The following ADAMTS14 variants were observed in gnomAD, a reference collection of about 807,000 sequenced individuals.
ADAMTS14 encodes the protein ADAM metallopeptidase with thrombospondin type 1 motif 14.
ADAMTS14 carries 100 observed loss-of-function variants against 128.6 expected under a neutral mutation model. The observed-to-expected ratio is 0.78, with a 90% CI of 0.66 to 0.92. ADAMTS14 has a LOEUF of 0.92. Among genes scored for constraint, ADAMTS14 ranks in the 40% least tolerant of loss-of-function variants. ADAMTS14 has a pLI of 0.00. For synonymous variants in ADAMTS14, 665 were observed against 653.8 expected, an observed-to-expected ratio of 1.02 and a Z score of -0.26; for missense variants, 1,562 against 1,658.6, an observed-to-expected ratio of 0.94 and a Z score of 1.01.
chr10:70,718,692 T>TGG (rs1841146561), intron 4 of ADAMTS14, among the ~76,000 whole-genome samples: 1 of 151,512 alleles, frequency 6.6e-6, no homozygotes, highest in African/African-American at 2.4e-5. Flanking sequence ...AGCCTTTTTT[T>TGG]TTTTTTAAAG....
intron 2 of ADAMTS14, among the ~76,000 whole-genome samples, chr10:70,700,323 C>T (rs746941482): frequency 2.1e-4 from 32 of 152,164 alleles, no homozygotes; most frequent in Non-Finnish European, 3.8e-4. Flanking sequence ...TCCCCTCTAC[C>T]TGGTATGCTC....
rs1224768897 is a variant in ADAMTS14, at chr10:70,760,553, C to G, written c.3372C>G (p.Pro1124=). The G allele has an allele frequency of 1.2e-6, 2 of 1,613,542 alleles. No homozygotes were observed. The highest frequency in any genetic ancestry group is 1.1e-5 in the South Asian group (1 of 90,958). The change falls in exon 22 of 22, where the codon CCC becomes CCG. Residue 1124 remains proline, a synonymous_variant. Coordinates refer to ENST00000373207, the MANE Select transcript of ADAMTS14 (RefSeq NM_080722.4). Reference sequence around the variant, plus strand: ...CTCCTGGAAGCCCCTTACCAGGACCCCAGGACCCTGCAGATGCTGCAGAGC... The same window carrying G: ...CTCCTGGAAGCCCCTTACCAGGACCGCAGGACCCTGCAGATGCTGCAGAGC... ...FSTPGSPLPG[P]QDPADAAEPP... is the part of the protein sequence containing the mutation.
At chr10:70,742,898 C>T (rs960499571) in intron 12 of ADAMTS14, among the ~76,000 whole-genome samples, 1 of 152,210 alleles carries the variant, frequency 6.6e-6, no homozygotes, top group African/African-American at 2.4e-5. Context: ...ATTTTGCAAA[C>T]CCAGATACAG....
rs1364299568 is a variant in ADAMTS14 at position 70,729,357 on chromosome 10, A to G, written c.934A>G (p.Ile312Val). 10 of 1,613,744 alleles carry G rather than the reference A, an allele frequency of 6.2e-6. No individual in the cohort carries two copies. Among genetic ancestry groups the G allele is most frequent in the Non-Finnish European group, 8.5e-6 (10 of 1,179,948 alleles). Reference protein sequence around the residue: ...VHINIALVRLIMVGYRQSLSL... With the variant: ...VHINIALVRLVMVGYRQSLSL... ...TATAAATATTGCCCTCGTCCGCTTG[A>G]TCATGGTTGGCTACCGACAGGTAAA... is the stretch of plus-strand genomic sequence containing the variant. Residue 312 changes from isoleucine (I) to valine (V), a missense_variant, in exon 5 of 22, where the codon ATC becomes GTC. Physicochemically the swap from Ile to Val is conservative, Grantham distance 29. Coordinates refer to ENST00000373207, the MANE Select transcript of ADAMTS14 (RefSeq NM_080722.4).
intron 4 of ADAMTS14, among the ~76,000 whole-genome samples, chr10:70,724,144 G>A (rs1367397385): frequency 6.6e-6 from 1 of 152,200 alleles, no homozygotes; most frequent in African/African-American, 2.4e-5. Context: ...CTTCTCTTGT[G>A]CTGCCTTTTC....
chr10:70,705,503 G>T (rs978141532), intron 3 of ADAMTS14, among the ~76,000 whole-genome samples: 1 of 152,214 alleles, frequency 6.6e-6, no homozygotes, highest in African/African-American at 2.4e-5. Context: ...ATATGATTTG[G>T]TGGGTTTTTA....
chr10:70,719,775 G>T (rs1841194241), intron 4 of ADAMTS14, among the ~76,000 whole-genome samples: 1 of 152,148 alleles, frequency 6.6e-6, no homozygotes, highest in African/African-American at 2.4e-5. Context: ...TGGTTTCAAA[G>T]CCTTGACATC....
At chr10:70,722,021 A>G (rs1213380681) in intron 4 of ADAMTS14, among the ~76,000 whole-genome samples, 1 of 152,174 alleles carries the variant, frequency 6.6e-6, no homozygotes, top group East Asian at 1.9e-4. Flanking sequence ...TGCCTCTGAT[A>G]GTTTGTTACC....
chr10:70,703,243 G>T (rs1840550429), intron 3 of ADAMTS14, among the ~76,000 whole-genome samples: 1 of 152,360 alleles, frequency 6.6e-6, no homozygotes, highest in African/African-American at 2.4e-5. Flanking sequence ...TTGGGCGAAT[G>T]AAACTGGATG....
intron 2 of ADAMTS14, among the ~76,000 whole-genome samples, chr10:70,676,779 G>A (rs941140689): frequency 6.6e-6 from 1 of 152,180 alleles, no homozygotes; most frequent in African/African-American, 2.4e-5. Flanking sequence ...AGTTTTGGTG[G>A]AAAATCCCAA....
chr10:70,703,708 A>G (rs1247945135), intron 3 of ADAMTS14, among the ~76,000 whole-genome samples: 1 of 152,212 alleles, frequency 6.6e-6, no homozygotes, highest in African/African-American at 2.4e-5. Flanking sequence ...GTCCAGCTCC[A>G]GAGCTGTGAG....
chr10:70,680,099 T>C (rs571121200), intron 2 of ADAMTS14, among the ~76,000 whole-genome samples: 3 of 152,362 alleles, frequency 2.0e-5, no homozygotes, highest in Non-Finnish European at 2.9e-5. Flanking sequence ...TGGTATGTTA[T>C]ATCTCAATAA....
chr10:70,728,013 A>T (rs1354608459), intron 4 of ADAMTS14, among the ~76,000 whole-genome samples: 1 of 151,712 alleles, frequency 6.6e-6, no homozygotes, highest in Non-Finnish European at 1.5e-5. Context: ...GAAGAATGGC[A>T]TGAACCCAGG....
rs1312342521 is a variant in ADAMTS14, at chr10:70,689,087, G to A, written c.523-13225G>A. ...AGCCTGAAGAGGCCTGTGTTCCACAGCCTGGCCGACTGCTGGCCTGGGTGC... is the reference window on the plus strand; with the variant it reads ...AGCCTGAAGAGGCCTGTGTTCCACAACCTGGCCGACTGCTGGCCTGGGTGC... On this transcript the variant is annotated intron_variant, in intron 2 of 21. Coordinates refer to ENST00000373207, the MANE Select transcript of ADAMTS14 (RefSeq NM_080722.4). 2.5e-5 allele frequency among the ~76,000 whole-genome samples: 3 copies of A among 119,704 alleles called. No individual in the cohort carries two copies. In the East Asian group the frequency reaches 6.2e-4, roughly 25 times the overall value. 78.5% of individuals were successfully genotyped at this position (119,704 alleles called of 152,430 possible).
chr10:70,746,722 G>A (rs1325754832), intron 15 of ADAMTS14, among the ~76,000 whole-genome samples: 1 of 152,208 alleles, frequency 6.6e-6, no homozygotes, highest in Non-Finnish European at 1.5e-5. Context: ...ACTGAGGCAG[G>A]AGCGTCTCAA....
At chr10:70,685,373 C>T (rs559365097) in intron 2 of ADAMTS14, among the ~76,000 whole-genome samples, 42 of 152,332 alleles carry the variant, frequency 2.8e-4, no homozygotes, top group South Asian at 1.5e-3. Context: ...CTTAGCAGCA[C>T]CAAGGAGCTC....
In ADAMTS14 at chr10:70,731,460, G is replaced by A. The variant is rs553696858; in HGVS notation, c.1103-794G>A. 1.7e-4 allele frequency among the ~76,000 whole-genome samples: 26 copies of A among 152,292 alleles called. No homozygotes were observed. The East Asian group carries it at 4.6e-3, about 27-fold the overall frequency. On this transcript the variant is annotated intron_variant, in intron 6 of 21. Transcript: ENST00000373207. ...ATAGCTCTGTCTGGGGGGACTGCAG[G>A]CCTAGGCAGGGACATGCCCTTTGTC...
chr10:70,734,756 G>T lies in ADAMTS14; in HGVS notation c.1353-413G>T, dbSNP rs1841771466. Reference sequence around the variant, plus strand: ...CTAGCCCCGTACAGGAGCTGGCCAGGGCGGCTCGCCCAGGGTCCATCTTGC... The same window carrying T: ...CTAGCCCCGTACAGGAGCTGGCCAGTGCGGCTCGCCCAGGGTCCATCTTGC... On this transcript the variant is annotated intron_variant, in intron 8 of 21. Coordinates refer to ENST00000373207, the MANE Select transcript of ADAMTS14 (RefSeq NM_080722.4). 2.0e-5 allele frequency among the ~76,000 whole-genome samples: 3 copies of T among 152,184 alleles called. No individual in the cohort carries two copies. In the South Asian group the frequency reaches 6.2e-4, roughly 32 times the overall value.
At chr10:70,700,005 C>T (rs1348556126) in intron 2 of ADAMTS14, among the ~76,000 whole-genome samples, 1 of 152,040 alleles carries the variant, frequency 6.6e-6, no homozygotes, top group Non-Finnish European at 1.5e-5. Flanking sequence ...AACAGCCCCT[C>T]TGGGTATCAG....
Sources: allele counts gnomAD v4.1 joint callset (sites outside exome capture counted in the v4.1 genomes callset), GRCh38; gene constraint gnomAD v4.1.1; transcripts MANE v1.5; gene names NCBI Gene and HGNC (gene_info 2026-07-23, HGNC 2026-07-21).